The following PNPLA2 variants were observed in gnomAD, a reference collection of about 807,000 sequenced individuals.
PNPLA2 encodes patatin-like phospholipase domain-containing protein 2.
In PNPLA2, 28 loss-of-function variants were observed where a neutral mutation model predicts 39.7. That is an observed-to-expected ratio of 0.70 (90% CI 0.52 to 0.97). The LOEUF (loss-of-function observed/expected upper bound fraction) is 0.97, where lower values mean the gene tolerates loss of function less well. Ranked by LOEUF, PNPLA2 falls within the 50% of genes least tolerant of loss-of-function variation. PNPLA2 has a pLI of 0.00. For synonymous variants in PNPLA2, 392 were observed against 321.1 expected, an observed-to-expected ratio of 1.22 and a Z score of -2.36; for missense variants, 768 against 698.2, an observed-to-expected ratio of 1.10 and a Z score of -1.13.
At chr11:820,001 C>T (rs1436489818) in intron 2 of PNPLA2, 96 bp downstream of exon 2, 3 of 963,254 alleles carry the variant, frequency 3.1e-6, no homozygotes, top group Non-Finnish European at 4.2e-6. Context: ...CGCGGCGAGT[C>T]GGTGGGTACC....
In PNPLA2 at chr11:821,417, C is replaced by T. The variant is rs372486178; in HGVS notation, c.188-211C>T. ...GGGCAGGCAGTTGGGAAATACCAGG[C>T]AGAGGGCAGGTCCTGGTCTCAGCTG... On this transcript the variant is annotated intron_variant, in intron 2 of 9. Transcript: ENST00000336615. The T allele has an allele frequency of 5.4e-5, 33 of 607,416 alleles. No individual in the cohort carries two copies. In the African/African-American group the frequency reaches 6.1e-4, roughly 11 times the overall value. The allele number at this position is 607,416 out of a possible 1,614,324, so 37.6% of individuals were successfully genotyped here. A position where few individuals can be genotyped will look rare whatever the true frequency, so the allele number is the denominator to read the frequency against.
chr11:819,145 G>C (rs942340389), intron 1 of PNPLA2, among the ~76,000 whole-genome samples, 187 bp downstream of exon 1: 1 of 152,244 alleles, frequency 6.6e-6, no homozygotes, highest in African/African-American at 2.4e-5. Context: ...CCCGAGGCCT[G>C]TGCGGCTTTC....
chr11:820,008 T>G, intron 2 of PNPLA2, 103 bp downstream of exon 2: 1 of 896,286 alleles, frequency 1.1e-6, no homozygotes, highest in Non-Finnish European at 1.5e-6. Flanking sequence ...AGTCGGTGGG[T>G]ACCGTGGGGA....
At chr11:823,623 TCGGCTCTGCTACCCCCTG>T in intron 6 of PNPLA2, 36 bp downstream of exon 6, 1 of 1,603,384 alleles carries the variant, frequency 6.2e-7, no homozygotes, top group South Asian at 1.1e-5. Context: ...CGGGGTGGGC[TCGGCTCTGCTACCCCCTG>T]CGGGCCGCGG....
intron 1 of PNPLA2, 116 bp from the exon 2 acceptor site, chr11:819,458 G>A: frequency 8.4e-7 from 1 of 1,194,608 alleles, no homozygotes; most frequent in Non-Finnish European, 1.0e-6. Flanking sequence ...CAAGGACGGG[G>A]GCGGGTCCCG....
Position 824,965 on chromosome 11 carries a change from C to T in PNPLA2, c.*103C>T. 1 of 975,670 alleles carries T rather than the reference C, an allele frequency of 1.0e-6. No individual in the cohort carries two copies. Among genetic ancestry groups the T allele is most frequent in the African/African-American group, 1.9e-5 (1 of 52,466 alleles). The allele number at this position is 975,670 out of a possible 1,614,324, so 60.4% of individuals were successfully genotyped here. A position where few individuals can be genotyped will look rare whatever the true frequency, so the allele number is the denominator to read the frequency against. ...GCCAAGAGGGGTCTTTGCCGTGGGCCCCCTCGCCAGCCACTCACCAGCTGC... is the reference window on the plus strand; with the variant it reads ...GCCAAGAGGGGTCTTTGCCGTGGGCTCCCTCGCCAGCCACTCACCAGCTGC... On this transcript the variant is annotated 3_prime_UTR_variant, in exon 10 of 10. Coordinates refer to ENST00000336615, the MANE Select transcript of PNPLA2 (RefSeq NM_020376.4).
chr11:823,450 T>C (rs1394785484), intron 5 of PNPLA2, 77 bp from the exon 6 acceptor site: 1 of 1,358,054 alleles, frequency 7.4e-7, no homozygotes, highest in Non-Finnish European at 1.0e-6. Context: ...GAGGTGGCTG[T>C]TGGGGGTGCC....
rs1360009823 is a variant in PNPLA2, at chr11:825,031, C to T, written c.*169C>T. On this transcript the variant is annotated 3_prime_UTR_variant, in exon 10 of 10. Coordinates refer to ENST00000336615, the MANE Select transcript of PNPLA2 (RefSeq NM_020376.4). ...AGGTTTCCACACCCCTCCCCTGGGC[C>T]GCTGAGGCCCCGCGCACCTGTGCCT... 3.0e-6 allele frequency: 2 copies of T among 676,470 alleles called. No individual in the cohort carries two copies. Among genetic ancestry groups the T allele is most frequent in the Non-Finnish European group, 5.3e-6 (2 of 378,174 alleles). 41.9% of individuals were successfully genotyped at this position (676,470 alleles called of 1,614,324 possible). A position where few individuals can be genotyped will look rare whatever the true frequency, so the allele number is the denominator to read the frequency against.
In PNPLA2 at chr11:824,514, GCC is replaced by G. The variant is rs756078486; in HGVS notation, c.1176-6_1176-5del. On this transcript the variant is annotated splice_region_variant and splice_polypyrimidine_tract_variant and intron_variant, in intron 9 of 9. Coordinates refer to ENST00000336615, the MANE Select transcript of PNPLA2 (RefSeq NM_020376.4). ...CTGAAGCCCTCCCTGCCGCATCCCT[GCC>G]CCGCAGGCTGCCGGAGCAGGTGGAG... The G allele has an allele frequency of 1.3e-5, 20 of 1,546,372 alleles. No homozygotes were observed. In the Middle Eastern group the frequency reaches 1.1e-3, roughly 82 times the overall value.
rs577449205 is a variant in PNPLA2, at chr11:824,830, G to A, written c.1483G>A (p.Ala495Thr). 2.9e-5 allele frequency: 44 copies of A among 1,534,684 alleles called. No individual in the cohort carries two copies. The East Asian group carries it at 1.0e-3, about 36-fold the overall frequency. The change falls in exon 10 of 10, where the codon GCC (alanine) becomes ACC (threonine). Residue 495 changes from alanine to threonine, a missense_variant. Physicochemically the swap from Ala to Thr is moderately conservative, Grantham distance 58. Transcript: ENST00000336615. ...APLLSTPAPE[A>T]RPVIGALGL ...CTTGCTGAGCACCCCTGCTCCCGAGGCCCGGCCCGTGATCGGGGCCCTGGG... is the reference window on the plus strand; with the variant it reads ...CTTGCTGAGCACCCCTGCTCCCGAGACCCGGCCCGTGATCGGGGCCCTGGG...
chr11:821,951 C>G lies in PNPLA2; in HGVS notation c.421-7C>G, dbSNP rs1845680597. The G allele has an allele frequency of 6.2e-7, 1 of 1,613,916 alleles. No homozygotes were observed. The highest frequency in any genetic ancestry group is 8.5e-7 in the Non-Finnish European group (1 of 1,179,944). On this transcript the variant is annotated splice_region_variant and splice_polypyrimidine_tract_variant and intron_variant, in intron 3 of 9. Transcript: ENST00000336615. ...TCATTCTCTCCCACTCTGTCCCTGCCCTGAAGGCCAATGTCTGCAGCGGTT... is the reference window on the plus strand; with the variant it reads ...TCATTCTCTCCCACTCTGTCCCTGCGCTGAAGGCCAATGTCTGCAGCGGTT...
At chr11:819,516 C>G (rs1233609261) in intron 1 of PNPLA2, 58 bp from the exon 2 acceptor site, 1 of 1,256,146 alleles carries the variant, frequency 8.0e-7, no homozygotes, top group African/African-American at 1.6e-5. Flanking sequence ...CGTGTGCCGG[C>G]CCCGCCCCCG....
In PNPLA2 at chr11:825,338, C is replaced by T. The variant is rs1250202795; in HGVS notation, c.*476C>T. 1.3e-5 allele frequency: 3 copies of T among 238,408 alleles called. No individual in the cohort carries two copies. Among genetic ancestry groups the T allele is most frequent in the Non-Finnish European group, 2.5e-5 (3 of 120,040 alleles). 14.8% of individuals were successfully genotyped at this position (238,408 alleles called of 1,614,324 possible). A position where few individuals can be genotyped will look rare whatever the true frequency, so the allele number is the denominator to read the frequency against. ...CACAGCTGCAGGCCAGGTCTCCCAG[C>T]GTCGCACTCCTGGGCCTGGCATTTG... On this transcript the variant is annotated 3_prime_UTR_variant, in exon 10 of 10. Transcript: ENST00000336615.
Position 823,867 on chromosome 11 carries a change from G to T in PNPLA2, c.919+12G>T. 6.4e-7 allele frequency: 1 copy of T among 1,572,170 alleles called. No individual in the cohort carries two copies. The highest frequency in any genetic ancestry group is 8.6e-7 in the Non-Finnish European group (1 of 1,160,500). ...CCGGCTCAATGAGGGTGCGCACCTG[G>T]GGGACGGGAGGGGAGGAGGGGAGGC... On this transcript the variant is annotated intron_variant, in intron 7 of 9. Coordinates refer to ENST00000336615, the MANE Select transcript of PNPLA2 (RefSeq NM_020376.4).
chr11:824,472 GGT>G, intron 9 of PNPLA2, 36 bp downstream of exon 9: 1 of 1,547,134 alleles, frequency 6.5e-7, no homozygotes, highest in Non-Finnish European at 8.7e-7. Context: ...CGGGGCCCGC[GGT>G]GCTAGCGCCG....
rs1246963580 is a variant in PNPLA2 at position 823,708 on chromosome 11, C to T, written c.772C>T (p.Pro258Ser). The T allele has an allele frequency of 1.4e-5, 22 of 1,607,882 alleles. No homozygotes were observed. Among genetic ancestry groups the T allele is most frequent in the Non-Finnish European group, 1.7e-5 (20 of 1,177,830 alleles). The change falls in exon 7 of 10, where the codon CCC (proline) becomes TCC (serine). Residue 258 changes from proline to serine, a missense_variant. Coordinates refer to ENST00000336615, the MANE Select transcript of PNPLA2 (RefSeq NM_020376.4). Reference sequence around the variant, plus strand: ...CCCAACCCCAGGCCTCCTGAACCGGCCCAACCCCTTGCTGGCGTTGCCCCC... The same window carrying T: ...CCCAACCCCAGGCCTCCTGAACCGGTCCAACCCCTTGCTGGCGTTGCCCCC... ...FLQRNGLLNR[P>S]NPLLALPPAR...
At chr11:824,165 G>A (rs1426064182) in intron 8 of PNPLA2, 35 bp downstream of exon 8, 1 of 1,575,492 alleles carries the variant, frequency 6.3e-7, no homozygotes, top group Admixed American at 1.8e-5. Context: ...AGGGGCCCAG[G>A]GGACGGACTT....
chr11:824,255 G>T, intron 8 of PNPLA2, 59 bp from the exon 9 acceptor site: 5 of 1,548,418 alleles, frequency 3.2e-6, no homozygotes, highest in Non-Finnish European at 3.5e-6. Context: ...GACAGGGCCC[G>T]GCGGGTGGGC....
At chr11:820,143 G>A (rs1845621505) in intron 2 of PNPLA2, among the ~76,000 whole-genome samples, 1 of 152,256 alleles carries the variant, frequency 6.6e-6, no homozygotes, top group South Asian at 2.1e-4. Flanking sequence ...AAAGGTTTGG[G>A]GGCGGGCAGG....
Sources: gnomAD v4.1 joint callset for allele counts (sites outside exome capture counted in the v4.1 genomes callset) on GRCh38, gnomAD v4.1.1 for gene constraint, MANE v1.5 for transcripts, NCBI Gene and HGNC (gene_info 2026-07-23, HGNC 2026-07-21) for gene names.